The following SLC26A8 variants were observed in gnomAD, a reference collection of about 807,000 sequenced individuals.
SLC26A8 encodes the protein solute carrier family 26 member 8.
SLC26A8 carries 70 observed loss-of-function variants against 105.0 expected under a neutral mutation model. That is an observed-to-expected ratio of 0.67 (90% CI 0.55 to 0.81). SLC26A8 has a LOEUF of 0.81. SLC26A8 is among the 40% of genes least tolerant of loss of function. The probability of loss-of-function intolerance (pLI) is 0.00; values close to 1 mark genes in which losing one functional copy is unlikely to be tolerated. For synonymous variants in SLC26A8, 415 were observed against 438.3 expected, an observed-to-expected ratio of 0.95 and a Z score of 0.66; for missense variants, 998 against 1,181.8, an observed-to-expected ratio of 0.84 and a Z score of 2.28.
chr6:35,951,102 C>CCCAAACCCCCACAGCCCAAAAAA, intron 19 of SLC26A8, 61 bp downstream of exon 19: 1 of 1,356,466 alleles, frequency 7.4e-7, no homozygotes, highest in Non-Finnish European at 1.0e-6. Flanking sequence ...CCACCCCTCA[C>CCCAAACCCCCACAGCCCAAAAAA]CCATCCCCCC....
chr6:35,968,404 C>T (rs544385054), intron 11 of SLC26A8, among the ~76,000 whole-genome samples: 6 of 151,474 alleles, frequency 4.0e-5, no homozygotes, highest in Non-Finnish European at 8.8e-5. Flanking sequence ...CTTGGCCTCC[C>T]AAAGTGCTGG....
At chr6:35,952,870 C>T (rs1048832874) in intron 17 of SLC26A8, among the ~76,000 whole-genome samples, 4 of 151,930 alleles carry the variant, frequency 2.6e-5, no homozygotes, top group Non-Finnish European at 4.4e-5. Context: ...AAAAATTATG[C>T]GGGTGTGGTG....
intron 5 of SLC26A8, among the ~76,000 whole-genome samples, chr6:35,993,187 G>GGT (rs1488770765): frequency 1.0e-4 from 5 of 50,072 alleles, no homozygotes; most frequent in African/African-American, 2.7e-4. Context: ...GATAGAGATT[G>GGT]GAGGGGGGGG....
chr6:36,024,001 G>T (rs1762194878), intron 1 of SLC26A8, among the ~76,000 whole-genome samples: 1 of 151,910 alleles, frequency 6.6e-6, no homozygotes, highest in Non-Finnish European at 1.5e-5. Flanking sequence ...CATTATTGGG[G>T]TGGGGGTGCT....
chr6:35,950,785 C>G (rs1054426371), intron 19 of SLC26A8, among the ~76,000 whole-genome samples: 1 of 152,034 alleles, frequency 6.6e-6, no homozygotes, highest in African/African-American at 2.4e-5. Context: ...GGGAGGAATT[C>G]TAAAGGTATA....
At chr6:36,020,033 T>C (rs1581704306) in intron 1 of SLC26A8, among the ~76,000 whole-genome samples, 3 of 152,302 alleles carry the variant, frequency 2.0e-5, no homozygotes, top group South Asian at 2.1e-4. Context: ...GATCAAGAGG[T>C]GGACAGTATT....
chr6:35,997,810 G>A lies in SLC26A8; in HGVS notation c.555C>T (p.Pro185=), dbSNP rs116074606. 2.3e-3 allele frequency: 3,702 copies of A among 1,614,152 alleles called. 6 individuals are homozygous for A. Among genetic ancestry groups the A allele is most frequent in the Non-Finnish European group, 2.6e-3 (3,062 of 1,180,032 alleles). Residue 185 remains proline, a synonymous_variant, in exon 5 of 20, where the codon CCC becomes CCT. Transcript: ENST00000490799. ...ATTTATTATAGCCCATAAGGTAGGA[G>A]GGGGCCGAAAACTCATTCTTGACGA... ...GSFVKNEFSA[P]SYLMGYNKSL...
chr6:36,016,718 CT>C (rs1405438546), intron 2 of SLC26A8, among the ~76,000 whole-genome samples: 1 of 152,198 alleles, frequency 6.6e-6, no homozygotes, highest in Non-Finnish European at 1.5e-5. Context: ...AAGACAATCT[CT>C]TCAACTAATT....
At chr6:35,958,536 C>T (rs1278702673) in intron 16 of SLC26A8, among the ~76,000 whole-genome samples, 1 of 152,160 alleles carries the variant, frequency 6.6e-6, no homozygotes, top group East Asian at 1.9e-4. Flanking sequence ...CCCCTGTAAT[C>T]CCAGCACTTT....
chr6:35,999,041 C>A (rs1158566998), intron 4 of SLC26A8, among the ~76,000 whole-genome samples: 1 of 152,002 alleles, frequency 6.6e-6, no homozygotes. Context: ...ATTACAGACA[C>A]CCGCCACCAC....
chr6:35,983,756 A>G (rs1308176882), intron 7 of SLC26A8, among the ~76,000 whole-genome samples: 1 of 151,774 alleles, frequency 6.6e-6, no homozygotes, highest in African/African-American at 2.4e-5. Flanking sequence ...GGTTTTGCCA[A>G]GTTGGCCCGG....
At chr6:35,962,040 A>C (rs562988411) in intron 12 of SLC26A8, among the ~76,000 whole-genome samples, 1 of 152,174 alleles carries the variant, frequency 6.6e-6, no homozygotes, top group Non-Finnish European at 1.5e-5. Context: ...AGCCTGGTCA[A>C]TATAGTGAAA....
intron 10 of SLC26A8, among the ~76,000 whole-genome samples, chr6:35,970,530 G>T (rs554201467): frequency 1.7e-4 from 26 of 152,288 alleles, no homozygotes; most frequent in African/African-American, 5.8e-4. Flanking sequence ...AGCCTCTCCA[G>T]CCAGGTGACA....
chr6:35,991,267 T>G (rs1040750300), intron 7 of SLC26A8, among the ~76,000 whole-genome samples: 37 of 151,864 alleles, frequency 2.4e-4, no homozygotes, highest in Non-Finnish European at 4.7e-4. Flanking sequence ...AGCTCGCCAT[T>G]GTGGCACACA....
chr6:35,997,864 G>A lies in SLC26A8; in HGVS notation c.501C>T (p.Phe167=). 1 of 1,614,162 alleles carries A rather than the reference G, an allele frequency of 6.2e-7. No individual in the cohort carries two copies. The highest frequency in any genetic ancestry group is 8.5e-7 in the Non-Finnish European group (1 of 1,180,024). ...ATCCCATGACCAGTTGACCGTTGTT[G>A]AATGGGCTCACTTTCAGAACGTTGA... ...LLINVLKVSP[F]NNGQLVMGSF... The change falls in exon 5 of 20, where the codon TTC becomes TTT. Residue 167 remains phenylalanine (F), a synonymous_variant. Coordinates refer to ENST00000490799, the MANE Select transcript of SLC26A8 (RefSeq NM_052961.4).
intron 2 of SLC26A8, among the ~76,000 whole-genome samples, chr6:36,019,004 A>C (rs958475955): frequency 1.3e-5 from 2 of 152,030 alleles, no homozygotes; most frequent in Non-Finnish European, 2.9e-5. Context: ...TCGACCCACT[A>C]CAACCTCCGC....
chr6:35,976,176 A>G (rs1045855731), intron 9 of SLC26A8, among the ~76,000 whole-genome samples: 2 of 152,030 alleles, frequency 1.3e-5, no homozygotes, highest in Admixed American at 1.3e-4. Context: ...CTGTAATCCC[A>G]GCACTTTGGG....
chr6:35,962,585 G>A lies in SLC26A8; in HGVS notation c.1402C>T (p.Pro468Ser), dbSNP rs772856358. ...LAGIILSNVI[P>S]YLETISNLPS... ...AGGTTAGAAATGGTTTCAAGGTAGG[G>A]AATGACGTTGCTCAGAATAATACCA... The change falls in exon 12 of 20, where the codon CCC becomes TCC. Residue 468 changes from proline to serine, a missense_variant. Pro to Ser is a moderately conservative substitution (Grantham distance 74). Coordinates refer to ENST00000490799, the MANE Select transcript of SLC26A8 (RefSeq NM_052961.4). 5.0e-6 allele frequency: 8 copies of A among 1,614,012 alleles called. No homozygotes were observed. Among genetic ancestry groups the A allele is most frequent in the Non-Finnish European group, 6.8e-6 (8 of 1,180,034 alleles).
rs374479640 is a variant in SLC26A8, at chr6:35,963,434, A to G, written c.1366-813T>C. Among the ~76,000 whole-genome samples, 5 of 152,326 alleles carry G rather than the reference A, an allele frequency of 3.3e-5. No homozygotes were observed. The South Asian group carries it at 1.0e-3, about 32-fold the overall frequency. On this transcript the variant is annotated intron_variant, in intron 11 of 19. Transcript: ENST00000490799. Reference sequence around the variant, plus strand: ...GCCTTAAGGTCTATGAATGCTCCTAAGGAAAACCCACCATAGCGCACTCAG... The same window carrying G: ...GCCTTAAGGTCTATGAATGCTCCTAGGGAAAACCCACCATAGCGCACTCAG...
Sources: allele counts gnomAD v4.1 joint callset (sites outside exome capture counted in the v4.1 genomes callset), GRCh38; gene constraint gnomAD v4.1.1; transcripts MANE v1.5; gene names NCBI Gene and HGNC (gene_info 2026-07-23, HGNC 2026-07-21).